FAM153A: variants seen among roughly 807,000 people sequenced by gnomAD.
FAM153A encodes the protein family with sequence similarity 153 member A.
A neutral mutation model predicts 48.1 loss-of-function variants in FAM153A; 12 were observed. That is an observed-to-expected ratio of 0.25 (90% confidence interval 0.16 to 0.40). The LOEUF (loss-of-function observed/expected upper bound fraction) is 0.40, where lower values mean the gene tolerates loss of function less well. Ranked by LOEUF, FAM153A falls within the 10% of genes least tolerant of loss-of-function variation. The probability of loss-of-function intolerance (pLI) is 1.00; values close to 1 mark genes in which losing one functional copy is unlikely to be tolerated. For missense variants in FAM153A, 111 were observed against 345.8 expected (o/e 0.32, Z 5.38); for synonymous variants, 36 against 118.2 (o/e 0.30, Z 4.51).
chr5:177,766,098 C>CAG (rs1378770237), intron 1 of FAM153A, among the ~76,000 whole-genome samples: 1 of 107,086 alleles, frequency 9.3e-6, no homozygotes, highest in African/African-American at 3.1e-5. Flanking sequence ...GCCTGGGCAG[C>CAG]AGAGAGAGAC....
chr5:177,759,658 T>C (rs1481219396), intron 1 of FAM153A, among the ~76,000 whole-genome samples: 2 of 151,548 alleles, frequency 1.3e-5, no homozygotes, highest in African/African-American at 4.9e-5. Context: ...GTTCATGTCC[T>C]TTGTAGGGAC....
At chr5:177,761,023 C>T (rs1768262384) in intron 1 of FAM153A, among the ~76,000 whole-genome samples, 1 of 151,740 alleles carries the variant, frequency 6.6e-6, no homozygotes, top group Admixed American at 6.6e-5. Context: ...TGTCTGGGGA[C>T]TGCAGAGAAG....
chr5:177,734,589 C>T (rs1764386423), intron 13 of FAM153A, among the ~76,000 whole-genome samples, 185 bp from the exon 16 acceptor site: 1 of 138,828 alleles, frequency 7.2e-6, no homozygotes, highest in Admixed American at 7.1e-5. Flanking sequence ...GATGTTTCCT[C>T]TGAAGTCCAT....
intron 25 of FAM153A, among the ~76,000 whole-genome samples, chr5:177,715,478 T>A (rs994959634): frequency 2.6e-5 from 4 of 151,608 alleles, no homozygotes; most frequent in Non-Finnish European, 4.4e-5. Context: ...AGACAATATT[T>A]TATGAAATGG....
downstream of FAM153A, among the ~76,000 whole-genome samples, chr5:177,704,923 C>G (rs576124029): frequency 2.6e-5 from 4 of 151,400 alleles, no homozygotes; most frequent in East Asian, 7.8e-4. Flanking sequence ...GTTGCTTGAA[C>G]CCGGGAGGTG....
At chr5:177,719,546 T>C (rs1760682389), downstream of FAM153A, among the ~76,000 whole-genome samples, 1 of 150,158 alleles carries the variant, frequency 6.7e-6, no homozygotes. Flanking sequence ...CTCTCAGTCA[T>C]GGTCTAAGCT....
chr5:177,779,202 A>G (rs1769465246), intron 1 of FAM153A, among the ~76,000 whole-genome samples: 2 of 150,222 alleles, frequency 1.3e-5, no homozygotes, highest in Non-Finnish European at 3.0e-5. Flanking sequence ...AAAGAATTGC[A>G]TGCAAGCTGT....
Position 177,713,456 on chromosome 5 carries a change from A to G in FAM153A, c.*1392-286T>C, listed in dbSNP as rs575002856. ...GTATTTTTAGTAGAGATGGGGTTTCACCGTGTTAGCCAGGACGGTCTCGAT... is the reference window on the plus strand; with the variant it reads ...GTATTTTTAGTAGAGATGGGGTTTCGCCGTGTTAGCCAGGACGGTCTCGAT... On this transcript the variant is annotated intron_variant and NMD_transcript_variant, in intron 26 of 26. Coordinates refer to the FAM153A transcript ENST00000360669. Among the ~76,000 whole-genome samples the G allele has an allele frequency of 3.6e-3, 536 of 150,424 alleles. 4 individuals are homozygous for G. Among genetic ancestry groups the G allele is most frequent in the Middle Eastern group, 0.01 (3 of 292 alleles).
chr5:177,768,269 T>C (rs1324787921), intron 1 of FAM153A, among the ~76,000 whole-genome samples: 1 of 150,676 alleles, frequency 6.6e-6, no homozygotes, highest in Admixed American at 6.6e-5. Flanking sequence ...TGTAGGAGCC[T>C]CCATGCATTC....
chr5:177,706,649 G>C (rs1757915837), downstream of FAM153A: 2 of 151,800 alleles, frequency 1.3e-5, no homozygotes, highest in Non-Finnish European at 2.9e-5. Flanking sequence ...TGTTAACCAG[G>C]ACACACTATT....
At chr5:177,706,886 G>A (rs1371426322), downstream of FAM153A, 1 of 151,978 alleles carries the variant, frequency 6.6e-6, no homozygotes, top group Admixed American at 6.5e-5. Flanking sequence ...GTTACCAAAA[G>A]TGAGTATGTA....
rs1402389285 is a variant in FAM153A, at chr5:177,765,149, G to A, written c.-57+15300C>T. Reference sequence around the variant, plus strand: ...CCAACACCTGGGCTGACCCCAATGTGGAAAGCTATAAATACCTGATGTGGG... The same window carrying A: ...CCAACACCTGGGCTGACCCCAATGTAGAAAGCTATAAATACCTGATGTGGG... On this transcript the variant is annotated intron_variant, in intron 1 of 8. Transcript: ENST00000393518. 2.0e-5 allele frequency among the ~76,000 whole-genome samples: 2 copies of A among 98,082 alleles called. 1 individual carries two copies. Among genetic ancestry groups the A allele is most frequent in the Non-Finnish European group, 4.2e-5 (2 of 47,130 alleles). The allele number at this position is 98,082 out of a possible 152,430, so 64.3% of individuals were successfully genotyped here. A position where few individuals can be genotyped will look rare whatever the true frequency, so the allele number is the denominator to read the frequency against.
downstream of FAM153A, among the ~76,000 whole-genome samples, chr5:177,705,208 G>A (rs1757768989): frequency 6.6e-6 from 1 of 151,404 alleles, no homozygotes; most frequent in Admixed American, 6.6e-5. Context: ...GGAGGCTGTG[G>A]TGGGAGAATC....
downstream of FAM153A, among the ~76,000 whole-genome samples, chr5:177,706,260 A>G (rs1757880745): frequency 6.6e-6 from 1 of 151,508 alleles, no homozygotes; most frequent in Non-Finnish European, 1.5e-5. Flanking sequence ...GCAGTGGCGC[A>G]GTCTCGGCTC....
chr5:177,739,130 G>A, exon 10 of FAM153A: 1 of 1,612,866 alleles, frequency 6.2e-7, no homozygotes, highest in Non-Finnish European at 8.5e-7. Flanking sequence ...TTGGGTGCCT[G>A]CGTCTGCCTG....
chr5:177,729,633 G>A (rs1763412383), intron 16 of FAM153A, 78 bp from the exon 19 acceptor site: 11 of 1,604,450 alleles, frequency 6.9e-6, no homozygotes, highest in Non-Finnish European at 8.5e-6. Flanking sequence ...GTGGACACGG[G>A]GCTGGCGTGT....
At position 177,732,334 on chromosome 5, in the gene FAM153A, T is replaced by C. The variant is rs1763965772; in HGVS notation, c.761-234A>G. Among the ~76,000 whole-genome samples, 3 of 116,372 alleles carry C rather than the reference T, an allele frequency of 2.6e-5. 1 individual carries two copies. Among genetic ancestry groups the C allele is most frequent in the African/African-American group, 2.8e-5 (1 of 35,610 alleles). The allele number at this position is 116,372 out of a possible 152,430, so 76.3% of individuals were successfully genotyped here. ...TCTAGCTATGCCAACCTCTTCGACATGAAAGAGCCCATCTCAAACAGGGCA... is the reference window on the plus strand; with the variant it reads ...TCTAGCTATGCCAACCTCTTCGACACGAAAGAGCCCATCTCAAACAGGGCA... On this transcript the variant is annotated intron_variant, in intron 14 of 20. Transcript: ENST00000614127.
intron 26 of FAM153A, chr5:177,713,233 A>T (rs1179358859): frequency 6.6e-6 from 1 of 150,538 alleles, no homozygotes; most frequent in Non-Finnish European, 1.5e-5. Context: ...ACTGTTTCTT[A>T]CGTGTTTTCT....
At chr5:177,702,372 C>T in the FAM153A span, among the ~76,000 whole-genome samples, 1 of 151,772 alleles carries the variant, frequency 6.6e-6, no homozygotes, top group Non-Finnish European at 1.5e-5. Context: ...CCAGTTGCTT[C>T]TAACAACCTA....
Sources: gnomAD v4.1 joint callset for allele counts (sites outside exome capture counted in the v4.1 genomes callset) on GRCh38, gnomAD v4.1.1 for gene constraint, MANE v1.5 for transcripts, NCBI Gene and HGNC (gene_info 2026-07-23, HGNC 2026-07-21) for gene names.